The following ADGRL3 variants were observed in gnomAD, a reference collection of about 807,000 sequenced individuals.
ADGRL3 encodes calcium-independent alpha-latrotoxin receptor 3.
A neutral mutation model predicts 153.5 loss-of-function variants in ADGRL3; 62 were observed. That is an observed-to-expected ratio of 0.40 (90% CI 0.33 to 0.50). ADGRL3 has a LOEUF of 0.50. Ranked by LOEUF, ADGRL3 falls within the 20% of genes least tolerant of loss-of-function variation. ADGRL3 has a pLI of 0.47. For missense variants in ADGRL3, 1,641 were observed against 1,859.4 expected (o/e 0.88, Z 2.16); for synonymous variants, 710 against 672.5 (o/e 1.06, Z -0.86).
chr4:61,284,993 T>TA (rs2093877166), intron 1 of ADGRL3, among the ~76,000 whole-genome samples: 1 of 151,570 alleles, frequency 6.6e-6, no homozygotes, highest in Non-Finnish European at 1.5e-5. Context: ...ATAATATACT[T>TA]ATTGATCTTA....
intron 6 of ADGRL3, among the ~76,000 whole-genome samples, chr4:61,714,500 C>T (rs1240313357): frequency 2.0e-5 from 3 of 152,158 alleles, no homozygotes; most frequent in Non-Finnish European, 4.4e-5. Flanking sequence ...ACCTCAGCTA[C>T]CTAATTCCCA....
intron 17 of ADGRL3, among the ~76,000 whole-genome samples, chr4:61,961,504 C>T (rs1294186727): frequency 6.6e-6 from 1 of 152,142 alleles, no homozygotes; most frequent in Non-Finnish European, 1.5e-5. Context: ...AGCTGCCTTC[C>T]TTACTGCTTT....
At chr4:61,226,412 G>T (rs913596647) in intron 1 of ADGRL3, among the ~76,000 whole-genome samples, 1 of 152,124 alleles carries the variant, frequency 6.6e-6, no homozygotes, top group Non-Finnish European at 1.5e-5. Context: ...TCATTTCTTT[G>T]TTTGAGATGT....
intron 2 of ADGRL3, among the ~76,000 whole-genome samples, chr4:61,409,011 C>T (rs1394170483): frequency 6.6e-6 from 1 of 151,332 alleles, no homozygotes; most frequent in East Asian, 1.9e-4. Flanking sequence ...AATGTGTCAT[C>T]AAAAACAATC....
At chr4:61,731,518 C>T (rs977563502) in intron 7 of ADGRL3, among the ~76,000 whole-genome samples, 2 of 151,982 alleles carry the variant, frequency 1.3e-5, no homozygotes, top group Non-Finnish European at 2.9e-5. Context: ...GTTTGCTTTG[C>T]AAATATATTA....
At chr4:61,497,374 A>T (rs1446479011) in intron 3 of ADGRL3, 26 bp downstream of exon 3, 1 of 1,513,248 alleles carries the variant, frequency 6.6e-7, no homozygotes, top group Non-Finnish European at 9.1e-7. Context: ...TTTTTGTGTA[A>T]TGCTTAATGT....
intron 1 of ADGRL3, among the ~76,000 whole-genome samples, chr4:61,255,627 G>A (rs894464414): frequency 1.3e-5 from 2 of 152,054 alleles, no homozygotes; most frequent in African/African-American, 2.4e-5. Context: ...TCAATGTTAC[G>A]AAATTCCATT....
chr4:61,246,451 T>G (rs1235281472), intron 1 of ADGRL3, among the ~76,000 whole-genome samples: 1 of 152,032 alleles, frequency 6.6e-6, no homozygotes, highest in African/African-American at 2.4e-5. Flanking sequence ...AGATGATTTA[T>G]GACAAAATTT....
intron 1 of ADGRL3, among the ~76,000 whole-genome samples, chr4:61,284,296 A>G (rs1471038916): frequency 6.6e-6 from 1 of 151,922 alleles, no homozygotes; most frequent in East Asian, 1.9e-4. Context: ...CAGCACATTG[A>G]TAGAGTATTA....
At chr4:61,397,360 C>T (rs1209940548) in intron 2 of ADGRL3, among the ~76,000 whole-genome samples, 2 of 151,840 alleles carry the variant, frequency 1.3e-5, no homozygotes, top group East Asian at 1.9e-4. Flanking sequence ...AGCTGAGTCA[C>T]GCTCCATTTG....
chr4:61,880,746 A>T (rs2149478284), intron 9 of ADGRL3, among the ~76,000 whole-genome samples: 2 of 152,278 alleles, frequency 1.3e-5, no homozygotes, highest in South Asian at 2.1e-4. Context: ...AGGATTTACA[A>T]TTTTTTTGTG....
intron 1 of ADGRL3, among the ~76,000 whole-genome samples, chr4:61,272,420 T>C (rs2093239118): frequency 6.6e-6 from 1 of 152,132 alleles, no homozygotes; most frequent in Non-Finnish European, 1.5e-5. Flanking sequence ...AAGAATAATA[T>C]TGCTTTCACT....
intron 9 of ADGRL3, among the ~76,000 whole-genome samples, chr4:61,824,061 CAA>C (rs11368286): frequency 4.0e-5 from 6 of 149,906 alleles, no homozygotes; most frequent in Non-Finnish European, 5.9e-5. Context: ...GAATCCGTCT[CAA>C]AAAAAAAAGT....
chr4:61,794,209 T>C (rs28379278), intron 8 of ADGRL3, among the ~76,000 whole-genome samples: 12,504 of 152,254 alleles, frequency 0.082, 686 homozygotes, highest in Admixed American at 0.16. Flanking sequence ...TTCAAACAAA[T>C]GTATTTAGCC....
chr4:61,400,031 T>G (rs2096911386), intron 2 of ADGRL3, among the ~76,000 whole-genome samples: 1 of 151,784 alleles, frequency 6.6e-6, no homozygotes, highest in Admixed American at 6.6e-5. Context: ...GGAATCAAAA[T>G]AATCAGCAAG....
In ADGRL3 at chr4:61,909,761, ATGTGTGTGTGTGTGTG is replaced by A. The variant is rs58884223; in HGVS notation, c.2073+42_2073+57del. 20 of 1,196,330 alleles carry A rather than the reference ATGTGTGTGTGTGTGTG, an allele frequency of 1.7e-5. No individual in the cohort carries two copies. The highest frequency in any genetic ancestry group is 4.9e-5 in the South Asian group (3 of 61,040). The allele number at this position is 1,196,330 out of a possible 1,614,324, so 74.1% of individuals were successfully genotyped here. On this transcript the variant is annotated intron_variant, in intron 12 of 26. Transcript: ENST00000683033. ...TTTGAACAAGGTAAGGACCCTAATT[ATGTGTGTGTGTGTGTG>A]TGTGTGTGTGTGTGTGTGTGTGTGT...
intron 1 of ADGRL3, among the ~76,000 whole-genome samples, chr4:61,301,439 G>T (rs1014754212): frequency 1.3e-5 from 2 of 152,102 alleles, no homozygotes; most frequent in African/African-American, 4.8e-5. Flanking sequence ...TAACTGCCAG[G>T]AAGTTTTGCC....
At chr4:61,454,900 G>A (rs1238365932) in intron 2 of ADGRL3, among the ~76,000 whole-genome samples, 1 of 152,024 alleles carries the variant, frequency 6.6e-6, no homozygotes, top group East Asian at 1.9e-4. Flanking sequence ...TACTGGGAAG[G>A]CATGAATGCT....
chr4:61,585,202 C>G (rs1004367060), intron 4 of ADGRL3, among the ~76,000 whole-genome samples: 1 of 151,756 alleles, frequency 6.6e-6, no homozygotes, highest in East Asian at 1.9e-4. Flanking sequence ...GAACACCAAC[C>G]AGAATGGAAT....
Sources: allele counts gnomAD v4.1 joint callset (sites outside exome capture counted in the v4.1 genomes callset), GRCh38; gene constraint gnomAD v4.1.1; transcripts MANE v1.5; gene names NCBI Gene and HGNC (gene_info 2026-07-23, HGNC 2026-07-21).